The following ZNF92 variants were observed in gnomAD, a reference collection of about 807,000 sequenced individuals.
ZNF92 encodes the protein epididymis luminal protein 203.
ZNF92 carries 11 observed loss-of-function variants against 12.4 expected under a neutral mutation model. The observed-to-expected ratio is 0.89, with a 90% CI of 0.56 to 1.47. ZNF92 has a LOEUF of 1.47. Among genes scored for constraint, ZNF92 ranks in the 40% most tolerant of loss-of-function variants. The probability of loss-of-function intolerance (pLI) is 0.00; values close to 1 mark genes in which losing one functional copy is unlikely to be tolerated. For synonymous variants in ZNF92, 206 were observed against 228.6 expected (o/e 0.90, Z 0.89); for missense variants, 622 against 681.0 (o/e 0.91, Z 0.96).
chr7:65,382,393 T>C (rs367834791), intron 1 of ZNF92, among the ~76,000 whole-genome samples: 1 of 152,104 alleles, frequency 6.6e-6, no homozygotes, highest in Admixed American at 6.6e-5. Context: ...TATAAACATA[T>C]AAGGTGCCAA....
intron 1 of ZNF92, among the ~76,000 whole-genome samples, chr7:65,383,761 A>G (rs1228734171): frequency 1.3e-5 from 2 of 152,158 alleles, no homozygotes; most frequent in African/African-American, 2.4e-5. Context: ...CAGGTAATCC[A>G]GGTTCTGGAG....
In ZNF92 at chr7:65,384,393, G is replaced by C. The variant is rs528695547; in HGVS notation, c.4-3509G>C. Among the ~76,000 whole-genome samples the C allele has an allele frequency of 7.4e-4, 113 of 152,178 alleles. 1 individual carries two copies. The highest frequency in any genetic ancestry group is 2.6e-3 in the African/African-American group (108 of 41,508). On this transcript the variant is annotated intron_variant, in intron 1 of 3. Transcript: ENST00000328747. ...CTTATTGAAGTCTGGCTTCACCTTG[G>C]AGTCTAGCCTTACAGAACTGATTGA... is the stretch of plus-strand genomic sequence containing the variant.
At chr7:65,391,196 A>G (rs767042706) in intron 3 of ZNF92, among the ~76,000 whole-genome samples, 25 of 151,924 alleles carry the variant, frequency 1.6e-4, no homozygotes, top group Non-Finnish European at 3.2e-4. Context: ...GCAATCTCCA[A>G]CCTCAATGTA....
chr7:65,392,649 G>A (rs182902734), intron 3 of ZNF92, among the ~76,000 whole-genome samples: 8 of 151,322 alleles, frequency 5.3e-5, no homozygotes, highest in Admixed American at 4.6e-4. Context: ...TGATTCTCCT[G>A]CCTCAGCCTC....
intron 3 of ZNF92, among the ~76,000 whole-genome samples, chr7:65,392,826 C>T (rs143550689): frequency 0.012 from 1,842 of 152,068 alleles, 48 homozygotes; most frequent in African/African-American, 0.041. Flanking sequence ...AGTGAGCCAC[C>T]GTGCCCGGCC....
At chr7:65,397,917 A>G (rs932054626) in intron 3 of ZNF92, among the ~76,000 whole-genome samples, 6 of 152,098 alleles carry the variant, frequency 3.9e-5, no homozygotes, top group African/African-American at 1.4e-4. Context: ...GGCATGGGAG[A>G]CAGAAACCAG....
chr7:65,397,662 G>T (rs934892524), intron 3 of ZNF92, among the ~76,000 whole-genome samples: 2 of 151,990 alleles, frequency 1.3e-5, no homozygotes, highest in African/African-American at 2.4e-5. Context: ...TAAACCAATT[G>T]TCTTGGCTAG....
At chr7:65,397,052 TA>T (rs1793863765) in intron 3 of ZNF92, among the ~76,000 whole-genome samples, 1 of 152,018 alleles carries the variant, frequency 6.6e-6, no homozygotes, top group Admixed American at 6.6e-5. Flanking sequence ...CCCATGAATA[TA>T]TTGATTTAAT....
Position 65,400,261 on chromosome 7 carries a change from G to GTT in ZNF92, c.*387_*388dup, listed in dbSNP as rs1483402584. 1.3e-5 allele frequency: 2 copies of GTT among 159,842 alleles called. No individual in the cohort carries two copies. The highest frequency in any genetic ancestry group is 2.8e-5 in the Non-Finnish European group (2 of 72,660). 9.9% of individuals were successfully genotyped at this position (159,842 alleles called of 1,614,324 possible). On this transcript the variant is annotated 3_prime_UTR_variant, in exon 4 of 4. Coordinates refer to ENST00000328747, the MANE Select transcript of ZNF92 (RefSeq NM_152626.4). ...GATGAACATTACAAATAGAAAGAGG[G>GTT]TTGTAGTACCTTTAGTTTTATGATA...
At chr7:65,383,608 G>A (rs897162871) in intron 1 of ZNF92, among the ~76,000 whole-genome samples, 3 of 152,072 alleles carry the variant, frequency 2.0e-5, no homozygotes, top group Admixed American at 2.0e-4. Flanking sequence ...ATCTGTAAAT[G>A]TAAACAAAGC....
rs774914602 is a variant in ZNF92, at chr7:65,394,834, C to T, written c.227-3507C>T. Among the ~76,000 whole-genome samples, 14 of 151,880 alleles carry T rather than the reference C, an allele frequency of 9.2e-5. No homozygotes were observed. In the South Asian group the frequency reaches 1.0e-3, roughly 11 times the overall value. On this transcript the variant is annotated intron_variant, in intron 3 of 3. Coordinates refer to ENST00000328747, the MANE Select transcript of ZNF92 (RefSeq NM_152626.4). Reference sequence around the variant, plus strand: ...AATTTTTTTGTATTTTTAGTAGAGACGGGGTTTCACCATGTTGGCCAGACT... The same window carrying T: ...AATTTTTTTGTATTTTTAGTAGAGATGGGGTTTCACCATGTTGGCCAGACT...
intron 2 of ZNF92, 117 bp from the exon 3 acceptor site, chr7:65,388,689 G>A (rs13240292): frequency 0.084 from 64,310 of 765,984 alleles, 3,807 homozygotes; most frequent in South Asian, 0.17. Context: ...TCATAAATTA[G>A]TATTTGGGGA....
chr7:65,388,638 T>A (rs1398799695), intron 2 of ZNF92, among the ~76,000 whole-genome samples, 168 bp from the exon 3 acceptor site: 2 of 148,250 alleles, frequency 1.3e-5, no homozygotes, highest in Non-Finnish European at 1.5e-5. Context: ...GCTCTGTCTT[T>A]AAAAAAAAAA....
At chr7:65,376,686 C>T (rs1379500189) in intron 1 of ZNF92, among the ~76,000 whole-genome samples, 2 of 152,154 alleles carry the variant, frequency 1.3e-5, no homozygotes, top group African/African-American at 4.8e-5. Flanking sequence ...ACCTCGTGAT[C>T]TGCCCACCTT....
chr7:65,391,619 T>C (rs1415103136), intron 3 of ZNF92, among the ~76,000 whole-genome samples: 1 of 152,140 alleles, frequency 6.6e-6, no homozygotes, highest in Non-Finnish European at 1.5e-5. Context: ...GCACTAACCA[T>C]ATTCAGCAAA....
intron 1 of ZNF92, among the ~76,000 whole-genome samples, chr7:65,375,903 C>G (rs1388698615): frequency 6.6e-6 from 1 of 151,954 alleles, no homozygotes; most frequent in Non-Finnish European, 1.5e-5. Flanking sequence ...TAAAATACAC[C>G]TGGGGTATAG....
chr7:65,386,574 A>C (rs1793570883), intron 1 of ZNF92, among the ~76,000 whole-genome samples: 1 of 152,120 alleles, frequency 6.6e-6, no homozygotes, highest in Non-Finnish European at 1.5e-5. Flanking sequence ...TTTTTGAAAC[A>C]GGATGGCATT....
chr7:65,399,579 G>C lies in ZNF92; in HGVS notation c.1465G>C (p.Ala489Pro). Reference protein sequence around the residue: ...KPYKCEECGKAFNQSSIFTKH... With the variant: ...KPYKCEECGKPFNQSSIFTKH... ...CTACAAATGTGAAGAATGTGGCAAA[G>C]CCTTTAACCAGTCCTCAATTTTTAC... The change falls in exon 4 of 4, where the codon GCC (alanine) becomes CCC (proline). Residue 489 changes from alanine (A) to proline (P), a missense_variant. Ala to Pro is a conservative substitution (Grantham distance 27). Coordinates refer to ENST00000328747, the MANE Select transcript of ZNF92 (RefSeq NM_152626.4). 6.2e-7 allele frequency: 1 copy of C among 1,613,676 alleles called. No homozygotes were observed. Among genetic ancestry groups the C allele is most frequent in the South Asian group, 1.1e-5 (1 of 91,026 alleles).
chr7:65,374,119 T>TTCTCCTTGGCGCAGCTCGGCCCTCAG, intron 1 of ZNF92, 119 bp downstream of exon 1: 2 of 1,409,892 alleles, frequency 1.4e-6, no homozygotes, highest in Non-Finnish European at 2.0e-6. Context: ...GCGGCCCGAG[T>TTCTCCTTGGCGCAGCTCGGCCCTCAG]TCTCCTTGGC....
Sources: allele counts gnomAD v4.1 joint callset (sites outside exome capture counted in the v4.1 genomes callset), GRCh38; gene constraint gnomAD v4.1.1; transcripts MANE v1.5; gene names NCBI Gene and HGNC (gene_info 2026-07-23, HGNC 2026-07-21).